Variants in DHX37 observed in about 807,000 individuals in gnomAD.
The protein encoded by DHX37 is DEAH-box helicase 37.
A neutral mutation model predicts 134.3 loss-of-function variants in DHX37; 52 were observed. That is an observed-to-expected ratio of 0.39 (90% CI 0.31 to 0.49). The LOEUF is 0.49. DHX37 is among the 20% of genes least tolerant of loss of function. The pLI, the probability that DHX37 is intolerant of heterozygous loss-of-function variation, is 0.93. For synonymous variants in DHX37, 634 were observed against 670.7 expected, an observed-to-expected ratio of 0.95 and a Z score of 0.85; for missense variants, 1,344 against 1,580.8, an observed-to-expected ratio of 0.85 and a Z score of 2.54.
chr12:124,947,077 G>A lies in DHX37; in HGVS notation c.*725C>T, dbSNP rs1389741095. On this transcript the variant is annotated 3_prime_UTR_variant, in exon 27 of 27. Coordinates refer to ENST00000308736, the MANE Select transcript of DHX37 (RefSeq NM_032656.4). ...CAGAGGAACAAGGGAGACAAACTGA[G>A]GGCTCTGCAGTCCCCGTTCAAGGCC... 3 of 151,942 alleles carry A rather than the reference G, an allele frequency of 2.0e-5. No homozygotes were observed. Among genetic ancestry groups the A allele is most frequent in the African/African-American group, 4.8e-5 (2 of 41,430 alleles). The allele number at this position is 151,942 out of a possible 1,614,324, so 9.4% of individuals were successfully genotyped here. A position where few individuals can be genotyped will look rare whatever the true frequency, so the allele number is the denominator to read the frequency against.
rs555432299 is a variant in DHX37, at chr12:124,982,374, A to G, written c.389+137T>C. On this transcript the variant is annotated intron_variant, in intron 3 of 26. Transcript: ENST00000308736. ...ACCCACTAGAGGCATTTAGGATGAC[A>G]ATGAATTTTCAGCCACTCAGGCCAC... The G allele has an allele frequency of 1.0e-4, 122 of 1,190,532 alleles. 1 individual carries two copies. The Middle Eastern group carries it at 1.3e-3, about 12-fold the overall frequency. The allele number at this position is 1,190,532 out of a possible 1,614,324, so 73.7% of individuals were successfully genotyped here. A position where few individuals can be genotyped will look rare whatever the true frequency, so the allele number is the denominator to read the frequency against.
At position 124,949,742 on chromosome 12, in the gene DHX37, C is replaced by T. The variant is rs186655272; in HGVS notation, c.3290+244G>A. ...CTAAAGACACACAGAGAGATGGCCA[C>T]GTGAAGATGGAGGCAGAGACTGGAG... On this transcript the variant is annotated intron_variant, in intron 25 of 26. Transcript: ENST00000308736. This position sits in a 1 kb window ranked among gnomAD's most constrained non-coding sequence, Gnocchi z 4.0. Among the ~76,000 whole-genome samples, 9 of 152,166 alleles carry T rather than the reference C, an allele frequency of 5.9e-5. No homozygotes were observed. The highest frequency in any genetic ancestry group is 1.7e-4 in the African/African-American group (7 of 41,522).
At chr12:124,983,241 C>T (rs1439967698) in intron 2 of DHX37, among the ~76,000 whole-genome samples, 2 of 152,078 alleles carry the variant, frequency 1.3e-5, no homozygotes, top group African/African-American at 4.8e-5. Flanking sequence ...CTCCAAGTAG[C>T]TGGGACTACA....
chr12:124,978,157 C>T (rs1954682429), intron 4 of DHX37, among the ~76,000 whole-genome samples: 1 of 151,832 alleles, frequency 6.6e-6, no homozygotes, highest in South Asian at 2.1e-4. Flanking sequence ...AATGTGGTTT[C>T]ACCAGGTTGG....
chr12:124,986,448 T>A (rs960043141), intron 1 of DHX37, among the ~76,000 whole-genome samples, 183 bp from the exon 2 acceptor site: 2 of 152,002 alleles, frequency 1.3e-5, no homozygotes, highest in African/African-American at 4.8e-5. Context: ...CAGGGGCTCA[T>A]GCCTGTAATC....
intron 2 of DHX37, among the ~76,000 whole-genome samples, chr12:124,983,736 G>GACC (rs1420305361): frequency 6.8e-6 from 1 of 147,586 alleles, no homozygotes; most frequent in African/African-American, 2.5e-5. Context: ...AGTGAGCTGA[G>GACC]ATCATACCAC....
intron 13 of DHX37, 88 bp downstream of exon 13, chr12:124,965,580 C>T (rs1484606498): frequency 1.4e-6 from 2 of 1,463,488 alleles, no homozygotes; most frequent in Admixed American, 5.0e-5. Flanking sequence ...TGCTAGAACC[C>T]CGGCCCCCGG....
In DHX37 at chr12:124,971,386, C is replaced by T; in HGVS notation, c.1107G>A (p.Val369=). The T allele has an allele frequency of 1.9e-6, 3 of 1,613,402 alleles. No individual in the cohort carries two copies. Among genetic ancestry groups the T allele is most frequent in the South Asian group, 1.1e-5 (1 of 91,054 alleles). Residue 369 remains valine, a synonymous_variant, in exon 8 of 27, where the codon GTG becomes GTA. Coordinates refer to ENST00000308736, the MANE Select transcript of DHX37 (RefSeq NM_032656.4). The part of the protein sequence containing the change: ...KDFLLLRYKV[V]IIDEAHERSV... The stretch of plus-strand genomic sequence containing the variant: ...TCCTCTCGTGGGCCTCGTCGATGAT[C>T]ACCACCTTGTACCGCAGCAGCAGGA...
chr12:124,948,346 G>A (rs1953912967), intron 25 of DHX37, 165 bp from the exon 26 acceptor site: 2 of 1,290,588 alleles, frequency 1.5e-6, no homozygotes, highest in South Asian at 3.1e-5. Context: ...GTTACTCAGG[G>A]GGCTGAAGTA....
chr12:124,947,683 C>T lies in DHX37; in HGVS notation c.*119G>A, dbSNP rs941112894. On this transcript the variant is annotated 3_prime_UTR_variant, in exon 27 of 27. Transcript: ENST00000308736. ...ATGGATGAGGGTTCCCAGGGCTTGA[C>T]CCACTTCCTGAGAGCAGGCCACGAA... The T allele has an allele frequency of 3.0e-6, 4 of 1,331,374 alleles. No homozygotes were observed. The African/African-American group carries it at 4.4e-5, about 15-fold the overall frequency. The allele number at this position is 1,331,374 out of a possible 1,614,324, so 82.5% of individuals were successfully genotyped here. A position where few individuals can be genotyped will look rare whatever the true frequency, so the allele number is the denominator to read the frequency against.
chr12:124,964,195 CAAAAAAAAAAAAA>C (rs397692928), intron 15 of DHX37, among the ~76,000 whole-genome samples, 186 bp downstream of exon 15: 8 of 57,464 alleles, frequency 1.4e-4, no homozygotes, highest in African/African-American at 5.6e-4. Flanking sequence ...AACTCCATCT[CAAAAAAAAAAAAA>C]AAAAAAAAAT....
chr12:124,947,879 C>G lies in DHX37; in HGVS notation c.3397G>C (p.Ala1133Pro), dbSNP rs1465149366. ...AWKKNPKYLLAEYCEWLPQAM... is the reference protein window; with the variant it reads ...AWKKNPKYLLPEYCEWLPQAM... ...TGTGGAAGCCACTCACAGTACTCAGCCAGCAGGTCTGCAGGGGAGGGAAGG... is the reference window on the plus strand; with the variant it reads ...TGTGGAAGCCACTCACAGTACTCAGGCAGCAGGTCTGCAGGGGAGGGAAGG... Residue 1133 changes from alanine (A) to proline (P), a missense_variant, in exon 27 of 27, where the codon GCT (alanine) becomes CCT (proline). Physicochemically the swap from Ala to Pro is conservative, Grantham distance 27 (BLOSUM62 -1). Transcript: ENST00000308736. 1 of 1,609,946 alleles carries G rather than the reference C, an allele frequency of 6.2e-7. No individual in the cohort carries two copies. The highest frequency in any genetic ancestry group is 8.5e-7 in the Non-Finnish European group (1 of 1,177,676).
At chr12:124,984,530 T>C (rs1241120760) in intron 2 of DHX37, among the ~76,000 whole-genome samples, 3 of 151,066 alleles carry the variant, frequency 2.0e-5, no homozygotes, top group African/African-American at 7.3e-5. Flanking sequence ...CAAAACTCCA[T>C]CTCAAAAAAT....
chr12:124,961,183 C>T (rs9795571), intron 15 of DHX37, among the ~76,000 whole-genome samples: 7,435 of 30,506 alleles, frequency 0.24, 293 homozygotes, highest in Non-Finnish European at 0.33. Context: ...CGCGCATGCG[C>T]GCACGCACAC....
intron 16 of DHX37, among the ~76,000 whole-genome samples, chr12:124,959,577 C>T (rs528173720): frequency 1.3e-5 from 2 of 152,278 alleles, no homozygotes; most frequent in African/African-American, 4.8e-5. Context: ...CAGCGTGTAA[C>T]ATATCAGACA....
chr12:124,956,304 CT>C (rs1480648191), intron 18 of DHX37, among the ~76,000 whole-genome samples: 2 of 152,208 alleles, frequency 1.3e-5, no homozygotes, highest in African/African-American at 4.8e-5. Flanking sequence ...CCAGAAATCT[CT>C]GCAGAAATGA....
intron 2 of DHX37, among the ~76,000 whole-genome samples, chr12:124,985,326 T>G (rs191794918): frequency 4.5e-4 from 68 of 152,258 alleles, no homozygotes; most frequent in African/African-American, 1.6e-3. Flanking sequence ...TGATCAATGT[T>G]GGAGCTGGCG....
intron 5 of DHX37, among the ~76,000 whole-genome samples, chr12:124,975,984 G>A (rs1474767447): frequency 1.3e-5 from 2 of 152,236 alleles, no homozygotes; most frequent in East Asian, 1.9e-4. Flanking sequence ...GGGGCCCACT[G>A]TGCCCAGCCT....
intron 18 of DHX37, among the ~76,000 whole-genome samples, chr12:124,955,206 T>C (rs971934526): frequency 4.6e-5 from 7 of 152,352 alleles, no homozygotes; most frequent in African/African-American, 1.7e-4. Flanking sequence ...TTTCTTTGAA[T>C]TGGTGACTGG....
Sources: allele counts gnomAD v4.1 joint callset (sites outside exome capture counted in the v4.1 genomes callset), GRCh38; gene constraint gnomAD v4.1.1; non-coding constraint Gnocchi (gnomAD v3.1); transcripts MANE v1.5; gene names NCBI Gene and HGNC (gene_info 2026-07-23, HGNC 2026-07-21).